SCEL: variants seen among roughly 807,000 people sequenced by gnomAD.
The protein encoded by SCEL is sciellin.
SCEL carries 113 observed loss-of-function variants against 117.6 expected under a neutral mutation model. The ratio of observed to expected loss-of-function variants is 0.96; its 90% CI spans 0.83 to 1.12. SCEL has a LOEUF of 1.12. Ranked by LOEUF, SCEL falls within the 50% of genes most tolerant of loss-of-function variation. SCEL has a pLI of 0.00. For missense variants in SCEL, 785 were observed against 810.8 expected, an observed-to-expected ratio of 0.97 and a Z score of 0.39; for synonymous variants, 270 against 256.2, an observed-to-expected ratio of 1.05 and a Z score of -0.51.
At chr13:77,589,106 T>C (rs766701038) in intron 9 of SCEL, 38 bp from the exon 10 acceptor site, 1 of 1,434,240 alleles carries the variant, frequency 7.0e-7, no homozygotes, top group Non-Finnish European at 9.8e-7. Context: ...TTTACCATGT[T>C]TCCATGGTGA....
chr13:77,599,582 G>A (rs1034430804), intron 14 of SCEL, 107 bp from the exon 15 acceptor site: 1 of 952,588 alleles, frequency 1.0e-6, no homozygotes. Context: ...TTCAATAAGA[G>A]TAAATGAGCA....
At position 77,610,168 on chromosome 13, in the gene SCEL, T is replaced by C. The variant is rs529560429; in HGVS notation, c.1337+62T>C. On this transcript the variant is annotated intron_variant, in intron 22 of 32. Transcript: ENST00000349847. Reference sequence around the variant, plus strand: ...TTTTTTCCTAATGAGCTTAAAAACATGACAAATTGTGCGGTGGCTTACGCC... The same window carrying C: ...TTTTTTCCTAATGAGCTTAAAAACACGACAAATTGTGCGGTGGCTTACGCC... 17 of 1,226,634 alleles carry C rather than the reference T, an allele frequency of 1.4e-5. No homozygotes were observed. In the East Asian group the frequency reaches 2.3e-4, roughly 17 times the overall value. 76.0% of individuals were successfully genotyped at this position (1,226,634 alleles called of 1,614,324 possible). A position where few individuals can be genotyped will look rare whatever the true frequency, so the allele number is the denominator to read the frequency against.
At chr13:77,598,358 C>T (rs2087388851) in intron 13 of SCEL, among the ~76,000 whole-genome samples, 2 of 152,176 alleles carry the variant, frequency 1.3e-5, no homozygotes, top group African/African-American at 4.8e-5. Context: ...CAAATGAATT[C>T]ATTGATCAGA....
At chr13:77,593,304 G>C (rs866504755) in intron 11 of SCEL, among the ~76,000 whole-genome samples, 2 of 146,704 alleles carry the variant, frequency 1.4e-5, no homozygotes, top group African/African-American at 2.5e-5. Context: ...GTGTCTGTGT[G>C]TGTGTGTGTG....
At chr13:77,608,879 A>G (rs2088430188) in intron 20 of SCEL, among the ~76,000 whole-genome samples, 179 bp from the exon 21 acceptor site, 1 of 152,174 alleles carries the variant, frequency 6.6e-6, no homozygotes, top group Non-Finnish European at 1.5e-5. Flanking sequence ...TCAGTGTACC[A>G]GTGATTGGTA....
At chr13:77,636,278 C>T (rs1011969182) in intron 29 of SCEL, among the ~76,000 whole-genome samples, 1 of 152,182 alleles carries the variant, frequency 6.6e-6, no homozygotes, top group East Asian at 1.9e-4. Context: ...GGAATCATGA[C>T]ATGCATCCTC....
chr13:77,556,199 A>G (rs1008701993), intron 2 of SCEL, among the ~76,000 whole-genome samples: 2 of 152,210 alleles, frequency 1.3e-5, no homozygotes, highest in Non-Finnish European at 2.9e-5. Flanking sequence ...CTTAGAATCA[A>G]ATGACCAGGA....
chr13:77,634,407 C>T lies in SCEL; in HGVS notation c.1720C>T (p.Pro574Ser). 6 of 1,613,360 alleles carry T rather than the reference C, an allele frequency of 3.7e-6. No homozygotes were observed. The highest frequency in any genetic ancestry group is 5.1e-6 in the Non-Finnish European group (6 of 1,179,568). ...TAACACTGGAGCCAAGCAGGCAGGA[C>T]CACAGGATACTGTTGTGTACACAAG... ...SSNTGAKQAG[P>S]QDTVVYTRTY... is the part of the protein sequence containing the mutation. The change falls in exon 29 of 33, where the codon CCA becomes TCA. Residue 574 changes from proline to serine, a missense_variant. Coordinates refer to ENST00000349847, the MANE Select transcript of SCEL (RefSeq NM_144777.3).
Position 77,573,589 on chromosome 13 carries a change from G to C in SCEL, c.545+1400G>C, listed in dbSNP as rs149799549. 1.0e-4 allele frequency among the ~76,000 whole-genome samples: 15 copies of C among 148,932 alleles called. 1 individual carries two copies. Among genetic ancestry groups the C allele is most frequent in the African/African-American group, 3.7e-4 (15 of 40,260 alleles). On this transcript the variant is annotated intron_variant, in intron 9 of 32. Transcript: ENST00000349847. Reference sequence around the variant, plus strand: ...ATAAGGATGTAAATAAACTGTAGTTGGTCAATAGACACAAAGAGCTCAAGT... The same window carrying C: ...ATAAGGATGTAAATAAACTGTAGTTCGTCAATAGACACAAAGAGCTCAAGT...
chr13:77,567,912 A>G (rs974306663), intron 6 of SCEL, among the ~76,000 whole-genome samples, 164 bp downstream of exon 6: 10 of 152,238 alleles, frequency 6.6e-5, no homozygotes, highest in Non-Finnish European at 1.0e-4. Flanking sequence ...TGTTTAGCTT[A>G]AGAATCAAGA....
At chr13:77,610,324 T>C (rs1053827928) in intron 22 of SCEL, among the ~76,000 whole-genome samples, 13 of 151,358 alleles carry the variant, frequency 8.6e-5, no homozygotes, top group Admixed American at 2.0e-4. Context: ...TGGTGGTGGG[T>C]GCCTGTAGTC....
At position 77,628,170 on chromosome 13, in the gene SCEL, G is replaced by GTGTATATATATATA. The variant is rs10700333; in HGVS notation, c.1691+162_1691+163insGTATATATATATAT. On this transcript the variant is annotated intron_variant, in intron 28 of 32. Transcript: ENST00000349847. ...TATATGTGTGTATATATATGTGTGTGTATATATATATATATATATATCATC... is the reference window on the plus strand; with the variant it reads ...TATATGTGTGTATATATATGTGTGTGTGTATATATATATATATATATATATATATATATATCATC... 5.9e-3 allele frequency among the ~76,000 whole-genome samples: 825 copies of GTGTATATATATATA among 139,684 alleles called. 5 individuals carry two copies. The highest frequency in any genetic ancestry group is 0.02 in the African/African-American group (764 of 37,684). 91.6% of individuals were successfully genotyped at this position (139,684 alleles called of 152,430 possible).
chr13:77,643,326 T>G (rs1340826308), intron 32 of SCEL, among the ~76,000 whole-genome samples: 2 of 152,194 alleles, frequency 1.3e-5, no homozygotes, highest in Non-Finnish European at 2.9e-5. Context: ...TTAGCATATG[T>G]AATGTGAGAA....
intron 9 of SCEL, among the ~76,000 whole-genome samples, chr13:77,576,967 G>A (rs897739432): frequency 2.0e-5 from 3 of 152,086 alleles, no homozygotes; most frequent in South Asian, 4.1e-4. Flanking sequence ...GAATGCTAGC[G>A]ATTTTCACAC....
At chr13:77,568,197 TG>T (rs2085391747) in intron 6 of SCEL, 97 bp from the exon 7 acceptor site, 1 of 718,626 alleles carries the variant, frequency 1.4e-6, no homozygotes, top group Admixed American at 2.6e-5. Context: ...CTCTCACCAG[TG>T]TCTAACTTTT....
intron 22 of SCEL, among the ~76,000 whole-genome samples, chr13:77,612,673 G>A (rs952104206): frequency 4.6e-5 from 7 of 151,372 alleles, no homozygotes; most frequent in Non-Finnish European, 7.4e-5. Context: ...TGAGGTTAAC[G>A]TGAAAGAAAC....
At chr13:77,607,050 T>C (rs1173052428) in intron 19 of SCEL, among the ~76,000 whole-genome samples, 3 of 152,220 alleles carry the variant, frequency 2.0e-5, no homozygotes, top group African/African-American at 4.8e-5. Flanking sequence ...TTTTATTTTA[T>C]TTATTTCTGA....
At chr13:77,544,644 A>G (rs1248865396) in intron 1 of SCEL, among the ~76,000 whole-genome samples, 3 of 152,172 alleles carry the variant, frequency 2.0e-5, no homozygotes, top group Admixed American at 2.0e-4. Flanking sequence ...AGGAGTGGCA[A>G]TTGGGTCACC....
chr13:77,591,939 C>T (rs143723805), intron 11 of SCEL, among the ~76,000 whole-genome samples: 17 of 152,090 alleles, frequency 1.1e-4, no homozygotes, highest in Non-Finnish European at 1.5e-4. Context: ...TCTGGTCTCC[C>T]GATTTACACT....
Sources: gnomAD v4.1 joint callset for allele counts (sites outside exome capture counted in the v4.1 genomes callset) on GRCh38, gnomAD v4.1.1 for gene constraint, MANE v1.5 for transcripts, NCBI Gene and HGNC (gene_info 2026-07-23, HGNC 2026-07-21) for gene names.